DNAJC27: variants seen among roughly 807,000 people sequenced by gnomAD.
DNAJC27 encodes the protein dnaJ homolog subfamily C member 27.
A neutral mutation model predicts 31.4 loss-of-function variants in DNAJC27; 25 were observed. The observed-to-expected ratio is 0.80, with a 90% CI of 0.58 to 1.11. DNAJC27 has a LOEUF of 1.11. Ranked by LOEUF, DNAJC27 falls within the 50% of genes most tolerant of loss-of-function variation. The pLI is 0.00. For missense variants in DNAJC27, 356 were observed against 347.3 expected, an observed-to-expected ratio of 1.02 and a Z score of -0.20; for synonymous variants, 106 against 112.7, an observed-to-expected ratio of 0.94 and a Z score of 0.37.
chr2:24,959,684 A>T (rs977983420), intron 3 of DNAJC27, among the ~76,000 whole-genome samples: 1 of 152,216 alleles, frequency 6.6e-6, no homozygotes, highest in Non-Finnish European at 1.5e-5. Context: ...ATCTGGAAAC[A>T]GATACCTCTT....
In DNAJC27 at chr2:24,943,862, T is replaced by C. The variant is rs1476144199; in HGVS notation, c.*3754A>G. On this transcript the variant is annotated 3_prime_UTR_variant, in exon 7 of 7. Transcript: ENST00000264711. ...ATCAATGCAGGAAGCTAACCAACAC[T>C]GTCCAGCTCTCCAGCAAAACTCATC... 2.0e-5 allele frequency: 3 copies of C among 152,780 alleles called. No homozygotes were observed. Among genetic ancestry groups the C allele is most frequent in the East Asian group, 1.9e-4 (1 of 5,190 alleles). The allele number at this position is 152,780 out of a possible 1,614,324, so 9.5% of individuals were successfully genotyped here.
rs772607128 is a variant in DNAJC27, at chr2:24,966,238, A to G, written c.170+973T>C. ...GTCTGAGGGTAGCAGTTCAGCATGG[A>G]TGGAAAGTAAAGTGTGTAACAGAAA... On this transcript the variant is annotated intron_variant, in intron 2 of 6. Transcript: ENST00000264711. 1.2e-4 allele frequency among the ~76,000 whole-genome samples: 18 copies of G among 152,286 alleles called. 1 individual carries two copies. Among genetic ancestry groups the G allele is most frequent in the East Asian group, 5.8e-4 (3 of 5,178 alleles).
In DNAJC27 at chr2:24,951,385, A is replaced by G. The variant is rs1301560861; in HGVS notation, c.689+9T>C. The G allele has an allele frequency of 6.2e-7, 1 of 1,606,882 alleles. No individual in the cohort carries two copies. Among genetic ancestry groups the G allele is most frequent in the Non-Finnish European group, 8.5e-7 (1 of 1,176,212 alleles). On this transcript the variant is annotated intron_variant, in intron 6 of 6. Coordinates refer to ENST00000264711, the MANE Select transcript of DNAJC27 (RefSeq NM_016544.3). ...TAGCAATCAGCACTAAGTATCCCAG[A>G]GCGCTTACCTTGAGGCCCCAGGTTT...
At chr2:24,959,374 C>T (rs976957755) in intron 3 of DNAJC27, among the ~76,000 whole-genome samples, 3 of 152,212 alleles carry the variant, frequency 2.0e-5, no homozygotes, top group Non-Finnish European at 4.4e-5. Context: ...TGTACAGTTT[C>T]AACTGTGAGA....
Position 24,971,707 on chromosome 2 carries a change from C to T in DNAJC27, c.87+111G>A, listed in dbSNP as rs1359676490. On this transcript the variant is annotated intron_variant, in intron 1 of 6. Transcript: ENST00000264711. ...CCCTCGGCTGAGACCCGGGCCTGCT[C>T]GGGGGCGGAGAGGAGGCCGGGCCCC... 14 of 929,340 alleles carry T rather than the reference C, an allele frequency of 1.5e-5. No individual in the cohort carries two copies. In the East Asian group the frequency reaches 3.6e-4, roughly 24 times the overall value. 57.6% of individuals were successfully genotyped at this position (929,340 alleles called of 1,614,324 possible).
intron 2 of DNAJC27, among the ~76,000 whole-genome samples, chr2:24,963,798 T>G (rs1022297542): frequency 3.3e-5 from 5 of 152,228 alleles, no homozygotes; most frequent in Non-Finnish European, 7.3e-5. Flanking sequence ...TGATTTGGGA[T>G]AAGTAGGAGC....
intron 2 of DNAJC27, among the ~76,000 whole-genome samples, chr2:24,964,032 G>A (rs1255741771): frequency 6.6e-6 from 1 of 152,136 alleles, no homozygotes; most frequent in Non-Finnish European, 1.5e-5. Flanking sequence ...ATTCATATTA[G>A]AATTAACTAC....
intron 3 of DNAJC27, among the ~76,000 whole-genome samples, chr2:24,958,178 A>G (rs1665953589): frequency 6.6e-6 from 1 of 152,198 alleles, no homozygotes; most frequent in African/African-American, 2.4e-5. Context: ...AGGACTTACA[A>G]TGGAAAACAA....
At position 24,971,877 on chromosome 2, in the gene DNAJC27, C is replaced by T. The variant is rs767055009; in HGVS notation, c.28G>A (p.Glu10Lys). 1.2e-6 allele frequency: 2 copies of T among 1,606,940 alleles called. No homozygotes were observed. Among genetic ancestry groups the T allele is most frequent in the Admixed American group, 1.7e-5 (1 of 59,196 alleles). Residue 10 changes from glutamate to lysine, a missense_variant, in exon 1 of 7, where the codon GAG (glutamate) becomes AAG (lysine). Glu to Lys is a moderately conservative substitution (Grantham distance 56). Transcript: ENST00000264711. ...TTGATGCGGAGAGACCTGCCGGGCT[C>T]CTTCCGCTTCGGCATGTTGGCCTCC... MEANMPKRKEPGRSLRIKVI... is the reference protein window; with the variant it reads MEANMPKRKKPGRSLRIKVI...
At chr2:24,962,314 G>T (rs2149128117) in intron 3 of DNAJC27, among the ~76,000 whole-genome samples, 1 of 151,646 alleles carries the variant, frequency 6.6e-6, no homozygotes, top group South Asian at 2.1e-4. Context: ...AGGCTGGAGT[G>T]AAGTGGCACG....
At chr2:24,967,126 C>T in intron 2 of DNAJC27, 85 bp downstream of exon 2, 2 of 1,017,704 alleles carry the variant, frequency 2.0e-6, no homozygotes, top group East Asian at 4.8e-5. Context: ...ATTACCTACA[C>T]AAGAGCACTG....
chr2:24,971,678 G>C, intron 1 of DNAJC27, 140 bp downstream of exon 1: 1 of 632,844 alleles, frequency 1.6e-6, no homozygotes, highest in South Asian at 2.1e-5. Flanking sequence ...TCGCGGAGCC[G>C]CACCCCTCGG....
At position 24,947,659 on chromosome 2, in the gene DNAJC27, G is replaced by T. The variant is rs368660593; in HGVS notation, c.779C>A (p.Ala260Glu). The T allele has an allele frequency of 4.3e-5, 70 of 1,612,802 alleles. 1 individual carries two copies. The highest frequency in any genetic ancestry group is 3.3e-4 in the Middle Eastern group (2 of 6,050). Residue 260 changes from alanine (A) to glutamate (E), a missense_variant, in exon 7 of 7, where the codon GCA (alanine) becomes GAA (glutamate). Physicochemically the swap from Ala to Glu is moderately radical, Grantham distance 107 (BLOSUM62 -1). Transcript: ENST00000264711. ...GAGGGCTGTCCGAGCATTCACAACT[G>T]CTTTGAAGGCATCTTCACTGCCAGG... ...VAPGSEDAFK[A>E]VVNARTALLK...
At chr2:24,956,961 CT>C in intron 5 of DNAJC27, 81 bp downstream of exon 5, 2 of 1,514,068 alleles carry the variant, frequency 1.3e-6, no homozygotes, top group East Asian at 2.3e-5. Context: ...ATTCCTATTA[CT>C]TTTTTGCTTC....
intron 3 of DNAJC27, among the ~76,000 whole-genome samples, chr2:24,961,356 T>C (rs1044548346): frequency 6.6e-6 from 1 of 152,178 alleles, no homozygotes. Flanking sequence ...CCAAGAGTTC[T>C]GATGGAGAAA....
At chr2:24,971,735 G>T in intron 1 of DNAJC27, 83 bp downstream of exon 1, 1 of 1,258,358 alleles carries the variant, frequency 7.9e-7, no homozygotes, top group Non-Finnish European at 1.1e-6. Flanking sequence ...CGGGCCCCAG[G>T]CTGTTGAGTG....
intron 2 of DNAJC27, among the ~76,000 whole-genome samples, chr2:24,964,097 T>C (rs1044025794): frequency 3.3e-5 from 5 of 151,866 alleles, no homozygotes; most frequent in South Asian, 2.1e-4. Context: ...AAAATCACCA[T>C]TGGAAAATGA....
rs1054709322 is a variant in DNAJC27, at chr2:24,947,514, G to A, written c.*102C>T. Reference sequence around the variant, plus strand: ...ACAAATGACAACACATGAATGAAAAGAGCAGTGAGATTCTGGGAAGGAAAA... The same window carrying A: ...ACAAATGACAACACATGAATGAAAAAAGCAGTGAGATTCTGGGAAGGAAAA... On this transcript the variant is annotated 3_prime_UTR_variant, in exon 7 of 7. Transcript: ENST00000264711. The A allele has an allele frequency of 4.4e-6, 6 of 1,365,126 alleles. No individual in the cohort carries two copies. The East Asian group carries it at 1.4e-4, about 32-fold the overall frequency. 84.6% of individuals were successfully genotyped at this position (1,365,126 alleles called of 1,614,324 possible). A position where few individuals can be genotyped will look rare whatever the true frequency, so the allele number is the denominator to read the frequency against.
At position 24,971,931 on chromosome 2, in the gene DNAJC27, C is replaced by T. The variant is rs1355950552; in HGVS notation, c.-27G>A. The stretch of plus-strand genomic sequence containing the variant: ...GCCCTGGCTCTCTCGGGGCCACCCG[C>T]CTCGGTCTCTTCTTGTGCACCGCTG... On this transcript the variant is annotated 5_prime_UTR_variant, in exon 1 of 7. Coordinates refer to ENST00000264711, the MANE Select transcript of DNAJC27 (RefSeq NM_016544.3). 6.5e-7 allele frequency: 1 copy of T among 1,543,806 alleles called. No homozygotes were observed. Among genetic ancestry groups the T allele is most frequent in the Non-Finnish European group, 8.7e-7 (1 of 1,143,924 alleles).
Sources: allele counts gnomAD v4.1 joint callset (sites outside exome capture counted in the v4.1 genomes callset), GRCh38; gene constraint gnomAD v4.1.1; transcripts MANE v1.5; gene names NCBI Gene and HGNC (gene_info 2026-07-23, HGNC 2026-07-21).